UBAP1L: variants seen among roughly 807,000 people sequenced by gnomAD.
UBAP1L encodes the protein ubiquitin-associated protein 1-like.
A neutral mutation model predicts 32.1 loss-of-function variants in UBAP1L; 32 were observed. The observed-to-expected ratio is 1.00, with a 90% CI of 0.75 to 1.34. The LOEUF (loss-of-function observed/expected upper bound fraction) is 1.34, where lower values mean the gene tolerates loss of function less well. Ranked by LOEUF, UBAP1L falls within the 40% of genes most tolerant of loss-of-function variation. The pLI is 0.00. For missense variants in UBAP1L, 516 were observed against 540.5 expected, an observed-to-expected ratio of 0.95 and a Z score of 0.45; for synonymous variants, 243 against 250.2, an observed-to-expected ratio of 0.97 and a Z score of 0.27.
intron 1 of UBAP1L, among the ~76,000 whole-genome samples, chr15:65,111,478 CAT>C (rs2087368906): frequency 6.6e-6 from 1 of 151,976 alleles, no homozygotes; most frequent in Non-Finnish European, 1.5e-5. Context: ...ATTTGGGGAA[CAT>C]ATCTATTTTT....
At chr15:65,099,413 G>A in intron 4 of UBAP1L, 92 bp downstream of exon 4, 3 of 1,334,376 alleles carry the variant, frequency 2.2e-6, no homozygotes, top group Non-Finnish European at 3.1e-6. Flanking sequence ...TGCTGTTGTT[G>A]GGCCTATGTC....
rs143464006 is a variant in UBAP1L, at chr15:65,110,303, G to A, written c.-173-3915C>T. Among the ~76,000 whole-genome samples, 645 of 151,968 alleles carry A rather than the reference G, an allele frequency of 4.2e-3. 6 individuals are homozygous for A. Among genetic ancestry groups the A allele is most frequent in the African/African-American group, 0.014 (600 of 41,436 alleles). ...GAACCAGGGAGGCGGAGATTGCAGT[G>A]AGCTGAAATCGCGCGACTGCACTCC... On this transcript the variant is annotated intron_variant, in intron 1 of 5. Transcript: ENST00000559089.
chr15:65,109,590 A>C (rs2087354883), intron 1 of UBAP1L, among the ~76,000 whole-genome samples: 1 of 152,180 alleles, frequency 6.6e-6, no homozygotes, highest in African/African-American at 2.4e-5. Context: ...TTTGCAACAA[A>C]TCTATATGAC....
rs1269490277 is a variant in UBAP1L, at chr15:65,094,602, A to G, written c.910-26T>C. On this transcript the variant is annotated intron_variant, in intron 4 of 5. Coordinates refer to ENST00000559089, the MANE Select transcript of UBAP1L (RefSeq NM_001163692.2). This position sits in a 1 kb window ranked among gnomAD's most constrained non-coding sequence, Gnocchi z 4.2. ...CTGGGCCGGAAGCGGGCAGAGAGGGAGGGAGGGTAAGAGGAGCAGCCGGGG... is the reference window on the plus strand; with the variant it reads ...CTGGGCCGGAAGCGGGCAGAGAGGGGGGGAGGGTAAGAGGAGCAGCCGGGG... The G allele has an allele frequency of 1.3e-6, 2 of 1,526,840 alleles. No homozygotes were observed. Among genetic ancestry groups the G allele is most frequent in the Non-Finnish European group, 1.8e-6 (2 of 1,125,634 alleles). The allele number at this position is 1,526,840 out of a possible 1,614,324, so 94.6% of individuals were successfully genotyped here.
At chr15:65,095,166 G>T in intron 4 of UBAP1L, 1 of 153,536 alleles carries the variant, frequency 6.5e-6, no homozygotes, top group Non-Finnish European at 1.5e-5. Context: ...CAGGGGCCCA[G>T]GATAAAATGC....
At chr15:65,109,954 T>C (rs1384730094) in intron 1 of UBAP1L, among the ~76,000 whole-genome samples, 1 of 152,214 alleles carries the variant, frequency 6.6e-6, no homozygotes, top group African/African-American at 2.4e-5. Context: ...TTCTTGGCTT[T>C]TTGGGTTAGA....
intron 3 of UBAP1L, 126 bp from the exon 4 acceptor site, chr15:65,099,840 G>A: frequency 1.3e-6 from 1 of 785,606 alleles, no homozygotes; most frequent in Admixed American, 2.9e-5. Context: ...TATTATGGAG[G>A]GCTTAGAGTC....
chr15:65,093,947 C>G (rs745841734), intron 5 of UBAP1L, among the ~76,000 whole-genome samples: 1 of 152,064 alleles, frequency 6.6e-6, no homozygotes, highest in Admixed American at 6.5e-5. Flanking sequence ...CTTGGGAGAC[C>G]GAGGCGGGAG....
At chr15:65,104,318 GAGAA>G (rs2087280137) in intron 2 of UBAP1L, among the ~76,000 whole-genome samples, 4 of 150,612 alleles carry the variant, frequency 2.7e-5, no homozygotes, top group Non-Finnish European at 4.4e-5. Flanking sequence ...GAGAGAGAGA[GAGAA>G]AGAGAAGAGA....
At chr15:65,104,857 A>T in intron 2 of UBAP1L, 1 of 358,052 alleles carries the variant, frequency 2.8e-6, no homozygotes, top group South Asian at 2.0e-5. Flanking sequence ...AATACAAAAA[A>T]TTAGCTGGCT....
Position 65,094,491 on chromosome 15 carries a change from T to G in UBAP1L, c.995A>C (p.Gln332Pro), listed in dbSNP as rs2087152194. The change falls in exon 5 of 6, where the codon CAG becomes CCG. Residue 332 changes from glutamine (Q) to proline (P), a missense_variant. Coordinates refer to ENST00000559089, the MANE Select transcript of UBAP1L (RefSeq NM_001163692.2). The surrounding 1 kb of genome is among the most constrained non-coding windows in gnomAD (Gnocchi z 4.2). ...CCTGCTGACCTGGCTCTCGGAGAAC[T>G]GGAACATCTCCATGGCCTCATCCAC... is the stretch of plus-strand genomic sequence containing the variant. ...GLVDEAMEMF[Q>P]FSESQAGEFL... The G allele has an allele frequency of 6.4e-7, 1 of 1,551,012 alleles. No individual in the cohort carries two copies. Among genetic ancestry groups the G allele is most frequent in the Non-Finnish European group, 8.7e-7 (1 of 1,146,718 alleles).
chr15:65,107,863 T>C (rs1248128162), intron 1 of UBAP1L, among the ~76,000 whole-genome samples: 1 of 152,116 alleles, frequency 6.6e-6, no homozygotes, highest in East Asian at 1.9e-4. Flanking sequence ...AAACATTTGG[T>C]TAAATGGAGG....
intron 5 of UBAP1L, 149 bp from the exon 6 acceptor site, chr15:65,093,380 GC>G: frequency 1.1e-6 from 1 of 934,166 alleles, no homozygotes; most frequent in Non-Finnish European, 1.5e-6. Flanking sequence ...GGCCACACCT[GC>G]CACTTTTCTG....
At chr15:65,107,653 C>T (rs191304560) in intron 1 of UBAP1L, among the ~76,000 whole-genome samples, 1 of 146,078 alleles carries the variant, frequency 6.8e-6, no homozygotes, top group Non-Finnish European at 1.5e-5. Flanking sequence ...GCAGGAGAAT[C>T]GCTTGAATCT....
intron 4 of UBAP1L, chr15:65,095,433 T>C (rs971878387): frequency 6.6e-6 from 1 of 152,308 alleles, no homozygotes; most frequent in Non-Finnish European, 1.5e-5. Flanking sequence ...AAGTTTTTGC[T>C]CCATGAGGGA....
Position 65,105,939 on chromosome 15 carries a change from C to T in UBAP1L, c.120+157G>A, listed in dbSNP as rs113594612. 25 of 1,029,806 alleles carry T rather than the reference C, an allele frequency of 2.4e-5. 3 individuals are homozygous for T. The South Asian group carries it at 2.9e-4, about 12-fold the overall frequency. The allele number at this position is 1,029,806 out of a possible 1,614,324, so 63.8% of individuals were successfully genotyped here. On this transcript the variant is annotated intron_variant, in intron 2 of 5. Transcript: ENST00000559089. ...CCGAGTAGCTGGGATTACAGGCACG[C>T]GTCACCACACCCAGCTAATTTTTTG...
At chr15:65,109,156 CA>C (rs564699668) in intron 1 of UBAP1L, among the ~76,000 whole-genome samples, 1,081 of 70,020 alleles carry the variant, frequency 0.015, 6 homozygotes, top group Middle Eastern at 0.023. Context: ...GACTCTGTCT[CA>C]AAAAAAAAAA....
intron 4 of UBAP1L, chr15:65,099,248 G>T: frequency 8.3e-6 from 4 of 482,070 alleles, no homozygotes; most frequent in Non-Finnish European, 1.5e-5. Context: ...CCCCTTCAGG[G>T]ATTACCTTAA....
chr15:65,103,742 T>G (rs1297424229), intron 2 of UBAP1L, among the ~76,000 whole-genome samples: 4 of 152,136 alleles, frequency 2.6e-5, no homozygotes, highest in African/African-American at 9.7e-5. Context: ...TTTGTAAGTA[T>G]GTGCAGAATA....
Sources: allele counts gnomAD v4.1 joint callset (sites outside exome capture counted in the v4.1 genomes callset), GRCh38; gene constraint gnomAD v4.1.1; non-coding constraint Gnocchi (gnomAD v3.1); transcripts MANE v1.5; gene names NCBI Gene and HGNC (gene_info 2026-07-23, HGNC 2026-07-21).